Variants in MEGF11 observed in about 807,000 individuals in gnomAD.
MEGF11 encodes the protein multiple epidermal growth factor-like domains protein 11.
MEGF11 carries 126 observed loss-of-function variants against 146.6 expected under a neutral mutation model. That is an observed-to-expected ratio of 0.86 (90% CI 0.74 to 1.00). MEGF11 has a LOEUF of 1.00. Among genes scored for constraint, MEGF11 ranks in the 50% least tolerant of loss-of-function variants. The pLI is 0.00. For missense variants in MEGF11, 1,509 were observed against 1,521.2 expected, an observed-to-expected ratio of 0.99 and a Z score of 0.13; for synonymous variants, 532 against 583.4, an observed-to-expected ratio of 0.91 and a Z score of 1.27.
chr15:66,112,952 G>C (rs1013537445), intron 4 of MEGF11, among the ~76,000 whole-genome samples: 1 of 152,222 alleles, frequency 6.6e-6, no homozygotes, highest in African/African-American at 2.4e-5. Flanking sequence ...AGTGATGCAA[G>C]AGATGATGAG....
intron 5 of MEGF11, among the ~76,000 whole-genome samples, chr15:66,028,896 A>T (rs1203500469): frequency 6.6e-6 from 1 of 152,188 alleles, no homozygotes; most frequent in Non-Finnish European, 1.5e-5. Context: ...ACTAGAGGTG[A>T]TTTATTTTTG....
At chr15:66,174,708 G>A (rs574737504) in intron 1 of MEGF11, among the ~76,000 whole-genome samples, 2 of 152,068 alleles carry the variant, frequency 1.3e-5, no homozygotes, top group South Asian at 2.1e-4. Flanking sequence ...TCAGCTGTTG[G>A]AAGAAGCTGC....
At chr15:65,931,745 T>G (rs2079582653) in intron 10 of MEGF11, among the ~76,000 whole-genome samples, 1 of 152,208 alleles carries the variant, frequency 6.6e-6, no homozygotes, top group South Asian at 2.1e-4. Flanking sequence ...CTATCCGCAT[T>G]TGCCTGAGCC....
At chr15:66,041,334 T>C (rs967503997) in intron 5 of MEGF11, among the ~76,000 whole-genome samples, 2 of 152,222 alleles carry the variant, frequency 1.3e-5, no homozygotes, top group East Asian at 1.9e-4. Flanking sequence ...CAGAACAAGA[T>C]GAAGAACTTC....
chr15:66,031,672 T>C (rs940109331), intron 5 of MEGF11, among the ~76,000 whole-genome samples: 5 of 152,176 alleles, frequency 3.3e-5, no homozygotes, highest in Non-Finnish European at 5.9e-5. Flanking sequence ...CTGCCACCAA[T>C]TCAGTGTGTG....
intron 5 of MEGF11, among the ~76,000 whole-genome samples, chr15:66,077,031 A>G (rs1201783420): frequency 6.6e-6 from 1 of 152,226 alleles, no homozygotes; most frequent in Non-Finnish European, 1.5e-5. Flanking sequence ...GCCCACCAGG[A>G]AACGCTGCAG....
intron 1 of MEGF11, among the ~76,000 whole-genome samples, chr15:66,210,293 T>C (rs929117999): frequency 2.6e-5 from 4 of 152,128 alleles, no homozygotes; most frequent in African/African-American, 9.7e-5. Context: ...CTCAAACAAA[T>C]GTAAAGAGGC....
At chr15:65,898,579 T>C in intron 25 of MEGF11, 149 bp downstream of exon 25, 5 of 1,446,130 alleles carry the variant, frequency 3.5e-6, no homozygotes, top group Non-Finnish European at 4.5e-6. Flanking sequence ...AGGGTAGTCC[T>C]AGGAAAGACA....
intron 1 of MEGF11, among the ~76,000 whole-genome samples, chr15:66,204,792 A>T (rs960773512): frequency 3.9e-5 from 6 of 152,170 alleles, no homozygotes; most frequent in Admixed American, 3.9e-4. Flanking sequence ...TTAAGGAAGG[A>T]TTTCCACTTC....
intron 5 of MEGF11, among the ~76,000 whole-genome samples, chr15:65,999,812 C>T (rs576397992): frequency 1.3e-5 from 2 of 152,322 alleles, no homozygotes; most frequent in African/African-American, 2.4e-5. Context: ...ATGCTATGTG[C>T]AAGTAAATTA....
chr15:66,063,805 G>A (rs769065832), intron 5 of MEGF11, among the ~76,000 whole-genome samples: 2 of 152,218 alleles, frequency 1.3e-5, no homozygotes, highest in African/African-American at 4.8e-5. Context: ...ATAAAGGGAA[G>A]AAAACAAATA....
At chr15:65,956,511 A>G (rs188200366) in intron 10 of MEGF11, among the ~76,000 whole-genome samples, 4 of 152,314 alleles carry the variant, frequency 2.6e-5, no homozygotes, top group Admixed American at 1.3e-4. Flanking sequence ...AGGTCACACA[A>G]TTGGTGAGTA....
intron 1 of MEGF11, among the ~76,000 whole-genome samples, chr15:66,140,616 A>G (rs1488997693): frequency 6.6e-6 from 1 of 152,222 alleles, no homozygotes; most frequent in East Asian, 1.9e-4. Context: ...TAATACATAC[A>G]GGGACTCAAT....
chr15:66,227,347 A>G (rs2091875772), intron 1 of MEGF11, among the ~76,000 whole-genome samples: 1 of 152,156 alleles, frequency 6.6e-6, no homozygotes, highest in South Asian at 2.1e-4. Flanking sequence ...AGTAAGCCCC[A>G]GTAAATTAGA....
At chr15:66,228,210 T>A (rs1278559927) in intron 1 of MEGF11, among the ~76,000 whole-genome samples, 2 of 151,678 alleles carry the variant, frequency 1.3e-5, no homozygotes, top group African/African-American at 2.4e-5. Flanking sequence ...GCTTAGCAAA[T>A]CATATCACAG....
chr15:65,929,693 C>T (rs1399120675), intron 12 of MEGF11, 27 bp downstream of exon 12: 6 of 1,543,064 alleles, frequency 3.9e-6, no homozygotes, highest in East Asian at 2.5e-5. Context: ...CGGAGCCCAA[C>T]CTGTCCCTCC....
intron 5 of MEGF11, among the ~76,000 whole-genome samples, chr15:66,002,490 G>C (rs1470744490): frequency 6.6e-6 from 1 of 152,178 alleles, no homozygotes; most frequent in Non-Finnish European, 1.5e-5. Flanking sequence ...CTTGGGTCTG[G>C]GCATTAAGGT....
chr15:66,175,726 A>AAACATAGGG (rs2090373418), intron 1 of MEGF11, among the ~76,000 whole-genome samples: 1 of 152,254 alleles, frequency 6.6e-6, no homozygotes, highest in South Asian at 2.1e-4. Flanking sequence ...TACTAGAAGA[A>AAACATAGGG]AACATAGGGG....
At chr15:65,950,121 TAAC>T (rs929683255) in intron 10 of MEGF11, among the ~76,000 whole-genome samples, 5 of 152,020 alleles carry the variant, frequency 3.3e-5, no homozygotes, top group African/African-American at 9.7e-5. Flanking sequence ...TTGGTGTAAA[TAAC>T]AACAGCAGCA....
Sources: allele counts gnomAD v4.1 joint callset (sites outside exome capture counted in the v4.1 genomes callset), GRCh38; gene constraint gnomAD v4.1.1; transcripts MANE v1.5; gene names NCBI Gene and HGNC (gene_info 2026-07-23, HGNC 2026-07-21).